The following CLASP1 variants were observed in gnomAD, a reference collection of about 807,000 sequenced individuals.
CLASP1 encodes cytoplasmic linker associated protein 1.
A neutral mutation model predicts 192.3 loss-of-function variants in CLASP1; 38 were observed. The ratio of observed to expected loss-of-function variants is 0.20; its 90% CI spans 0.15 to 0.26. The LOEUF (loss-of-function observed/expected upper bound fraction) is 0.26, where lower values mean the gene tolerates loss of function less well. Among genes scored for constraint, CLASP1 ranks in the 10% least tolerant of loss-of-function variants. CLASP1 has a pLI of 1.00. For synonymous variants in CLASP1, 691 were observed against 712.8 expected, an observed-to-expected ratio of 0.97 and a Z score of 0.49; for missense variants, 1,433 against 1,932.5, an observed-to-expected ratio of 0.74 and a Z score of 4.85.
chr2:121,533,132 C>T (rs1404007584), intron 2 of CLASP1, among the ~76,000 whole-genome samples: 2 of 152,128 alleles, frequency 1.3e-5, no homozygotes, highest in African/African-American at 2.4e-5. Flanking sequence ...CGCTAAGCCC[C>T]GGACAGTCAA....
At chr2:121,530,076 G>T (rs1250775597) in intron 3 of CLASP1, among the ~76,000 whole-genome samples, 171 bp downstream of exon 3, 1 of 152,054 alleles carries the variant, frequency 6.6e-6, no homozygotes, top group East Asian at 1.9e-4. Context: ...CGAGTGCTTA[G>T]GGGGGCTGCG....
At chr2:121,460,236 T>C (rs2087611559) in intron 11 of CLASP1, 111 bp from the exon 12 acceptor site, 1 of 823,132 alleles carries the variant, frequency 1.2e-6, no homozygotes, top group Admixed American at 2.9e-5. Flanking sequence ...TTCAACTGAT[T>C]AGAAAGCTTT....
intron 1 of CLASP1, among the ~76,000 whole-genome samples, chr2:121,631,158 CAAAAAAAA>C (rs869087192): frequency 2.6e-4 from 17 of 65,158 alleles, no homozygotes; most frequent in African/African-American, 7.3e-4. Flanking sequence ...GACTCCAGCT[CAAAAAAAA>C]AAAAAAAAAA....
chr2:121,397,889 C>T (rs1574310504), intron 29 of CLASP1, among the ~76,000 whole-genome samples: 1 of 152,248 alleles, frequency 6.6e-6, no homozygotes, highest in African/African-American at 2.4e-5. Flanking sequence ...TATGATTTTC[C>T]ACAACATGTA....
At chr2:121,451,983 A>G in intron 14 of CLASP1, 134 bp from the exon 15 acceptor site, 1 of 678,032 alleles carries the variant, frequency 1.5e-6, no homozygotes, top group Non-Finnish European at 2.5e-6. Context: ...TTAGAAAAAC[A>G]GAACATAAAG....
chr2:121,461,275 A>C (rs1202918139), intron 10 of CLASP1, 82 bp from the exon 11 acceptor site: 1 of 731,922 alleles, frequency 1.4e-6, no homozygotes, highest in Non-Finnish European at 2.2e-6. Context: ...AGTCAAGAAC[A>C]TTAAGTATGG....
At chr2:121,424,197 G>A (rs1180132832) in intron 22 of CLASP1, among the ~76,000 whole-genome samples, 1 of 152,186 alleles carries the variant, frequency 6.6e-6, no homozygotes, top group Non-Finnish European at 1.5e-5. Context: ...GAAGCACCCT[G>A]TCATAGTATT....
At chr2:121,374,806 T>C (rs2069618053) in intron 34 of CLASP1, among the ~76,000 whole-genome samples, 1 of 152,270 alleles carries the variant, frequency 6.6e-6, no homozygotes, top group Non-Finnish European at 1.5e-5. Context: ...TGGAAGCATT[T>C]ACCTAATGCC....
intron 22 of CLASP1, among the ~76,000 whole-genome samples, chr2:121,423,881 C>T (rs2079955281): frequency 6.6e-6 from 1 of 152,226 alleles, no homozygotes; most frequent in Non-Finnish European, 1.5e-5. Flanking sequence ...CCTGCCTTCT[C>T]GTAGCTAAGG....
chr2:121,578,806 C>T (rs1341847482), intron 2 of CLASP1, among the ~76,000 whole-genome samples: 1 of 151,510 alleles, frequency 6.6e-6, no homozygotes, highest in Non-Finnish European at 1.5e-5. Flanking sequence ...TTCTTAAAAG[C>T]ACAAGCATTT....
chr2:121,470,398 T>C, intron 8 of CLASP1: 1 of 447,452 alleles, frequency 2.2e-6, no homozygotes, highest in Non-Finnish European at 4.3e-6. Flanking sequence ...TGAGCCACTG[T>C]ACTTGGTCAC....
chr2:121,406,250 C>T (rs1196112218), intron 25 of CLASP1, among the ~76,000 whole-genome samples: 10 of 152,034 alleles, frequency 6.6e-5, no homozygotes, highest in East Asian at 3.9e-4. Context: ...GTGTAATACA[C>T]GCTTATTTTA....
At position 121,530,969 on chromosome 2, in the gene CLASP1, C is replaced by CT. The variant is rs544948025; in HGVS notation, c.196-645dup. The CT allele has an allele frequency of 2.5e-3, 1,760 of 700,398 alleles. 2 individuals are homozygous for CT. Among genetic ancestry groups the CT allele is most frequent in the Non-Finnish European group, 3.6e-3 (1,393 of 384,810 alleles). 43.4% of individuals were successfully genotyped at this position (700,398 alleles called of 1,614,324 possible). A position where few individuals can be genotyped will look rare whatever the true frequency, so the allele number is the denominator to read the frequency against. On this transcript the variant is annotated intron_variant, in intron 2 of 39. Coordinates refer to ENST00000263710, the Ensembl canonical transcript of CLASP1. ...CGCCTGAACAACACACCCGCATCAACTAGAGCTTTTGCTTTATTTTGGTGC... is the reference window on the plus strand; with the variant it reads ...CGCCTGAACAACACACCCGCATCAACTTAGAGCTTTTGCTTTATTTTGGTGC...
At chr2:121,395,218 CAT>C (rs750262506) in intron 30 of CLASP1, among the ~76,000 whole-genome samples, 19 of 152,172 alleles carry the variant, frequency 1.2e-4, no homozygotes, top group South Asian at 6.2e-4. Context: ...CCAGAGAACA[CAT>C]GTCAGATTCC....
At chr2:121,643,057 A>C (rs1162277056) in intron 1 of CLASP1, among the ~76,000 whole-genome samples, 1 of 151,768 alleles carries the variant, frequency 6.6e-6, no homozygotes, top group Non-Finnish European at 1.5e-5. Context: ...GTAGTGAGGG[A>C]AAGTCCTACA....
chr2:121,367,641 T>C (rs769616989), exon 35 of CLASP1: 1 of 1,614,022 alleles, frequency 6.2e-7, no homozygotes, highest in Non-Finnish European at 8.5e-7. Context: ...CAGGGCGGTC[T>C]TGTCGTAGGT....
At chr2:121,648,574 C>T (rs931535141) in intron 1 of CLASP1, among the ~76,000 whole-genome samples, 3 of 152,044 alleles carry the variant, frequency 2.0e-5, no homozygotes, top group African/African-American at 7.2e-5. Context: ...TCTGGAAAGC[C>T]CCATACTCAT....
At chr2:121,405,824 C>G (rs1381917513) in intron 25 of CLASP1, among the ~76,000 whole-genome samples, 1 of 152,164 alleles carries the variant, frequency 6.6e-6, no homozygotes, top group African/African-American at 2.4e-5. Context: ...GAAGGCAAAA[C>G]TTCCTGTATC....
At chr2:121,499,042 A>G (rs1392797700) in intron 8 of CLASP1, among the ~76,000 whole-genome samples, 1 of 152,258 alleles carries the variant, frequency 6.6e-6, no homozygotes, top group Non-Finnish European at 1.5e-5. Flanking sequence ...TCAGAAAGTT[A>G]AAGGTACAAC....
Sources: gnomAD v4.1 joint callset for allele counts (sites outside exome capture counted in the v4.1 genomes callset) on GRCh38, gnomAD v4.1.1 for gene constraint, MANE v1.5 for transcripts, NCBI Gene and HGNC (gene_info 2026-07-23, HGNC 2026-07-21) for gene names.